The following GFRA1 variants were observed in gnomAD, a reference collection of about 807,000 sequenced individuals.
The protein encoded by GFRA1 is GDNF family receptor alpha 1.
Under a neutral mutation model 51.6 loss-of-function variants are expected in GFRA1, and 16 were observed. That is an observed-to-expected ratio of 0.31 (90% confidence interval 0.21 to 0.47). GFRA1 has a LOEUF of 0.47. Ranked by LOEUF, GFRA1 falls within the 20% of genes least tolerant of loss-of-function variation. The pLI is 1.00. For synonymous variants in GFRA1, 270 were observed against 241.3 expected, an observed-to-expected ratio of 1.12 and a Z score of -1.10; for missense variants, 530 against 594.3, an observed-to-expected ratio of 0.89 and a Z score of 1.13.
chr10:116,063,445 G>A lies in GFRA1; in HGVS notation c.*953C>T, dbSNP rs952904882. 6.6e-6 allele frequency: 1 copy of A among 152,136 alleles called. No individual in the cohort carries two copies. Among genetic ancestry groups the A allele is most frequent in the Non-Finnish European group, 1.5e-5 (1 of 68,026 alleles). 9.4% of individuals were successfully genotyped at this position (152,136 alleles called of 1,614,324 possible). ...ATATCAGAGCGAACACTACTTATGA[G>A]GGGAAAGAAGCTCTGTGTATTTTGT... On this transcript the variant is annotated 3_prime_UTR_variant, in exon 11 of 11. Coordinates refer to ENST00000355422, the MANE Select transcript of GFRA1 (RefSeq NM_005264.8).
rs909039959 is a variant in GFRA1, at chr10:116,193,311, CAG to C, written c.433+18318_433+18319del. The stretch of plus-strand genomic sequence containing the variant: ...TTAAAGTTTGGGGAGGGAAAAGAAA[CAG>C]AAAGCGTTTTTAAGACTTTGGGGTT... On this transcript the variant is annotated intron_variant, in intron 5 of 10. Transcript: ENST00000355422. Among the ~76,000 whole-genome samples the C allele has an allele frequency of 7.9e-5, 12 of 152,218 alleles. No individual in the cohort carries two copies. In the East Asian group the frequency reaches 2.1e-3, roughly 27 times the overall value.
intron 5 of GFRA1, among the ~76,000 whole-genome samples, chr10:116,149,711 T>G (rs7071432): frequency 1.3e-5 from 2 of 152,038 alleles, no homozygotes; most frequent in African/African-American, 2.4e-5. Context: ...CATGAAGGAA[T>G]TGATGTAGGA....
intron 5 of GFRA1, among the ~76,000 whole-genome samples, chr10:116,146,419 ATGATT>A (rs1958804378): frequency 6.6e-6 from 1 of 152,252 alleles, no homozygotes; most frequent in Non-Finnish European, 1.5e-5. Context: ...GACATGTTTA[ATGATT>A]TGATTTATTA....
chr10:116,221,802 T>A (rs542753161), intron 4 of GFRA1, among the ~76,000 whole-genome samples: 336 of 152,330 alleles, frequency 2.2e-3, no homozygotes, highest in African/African-American at 7.6e-3. Flanking sequence ...AACTTTTCTA[T>A]CTGTGGATTT....
intron 5 of GFRA1, among the ~76,000 whole-genome samples, chr10:116,177,012 T>G (rs889521629): frequency 3.3e-5 from 5 of 151,880 alleles, no homozygotes; most frequent in African/African-American, 7.3e-5. Context: ...CAATGGACAA[T>G]GGGAACAAAA....
At chr10:116,264,223 C>T (rs564248716) in intron 4 of GFRA1, among the ~76,000 whole-genome samples, 1 of 152,278 alleles carries the variant, frequency 6.6e-6, no homozygotes, top group South Asian at 2.1e-4. Flanking sequence ...CCAACACTGG[C>T]TCCCCCTACA....
At chr10:116,238,123 T>C (rs1374508525) in intron 4 of GFRA1, among the ~76,000 whole-genome samples, 3 of 152,130 alleles carry the variant, frequency 2.0e-5, no homozygotes, top group African/African-American at 7.2e-5. Flanking sequence ...CCAATAAATT[T>C]AACACCGGAA....
intron 9 of GFRA1, among the ~76,000 whole-genome samples, chr10:116,073,757 GATA>G (rs1257700695): frequency 6.6e-6 from 1 of 152,138 alleles, no homozygotes; most frequent in Non-Finnish European, 1.5e-5. Context: ...ATCACCATCA[GATA>G]ATATTTATTA....
At chr10:116,098,593 A>G (rs1358602012) in intron 6 of GFRA1, among the ~76,000 whole-genome samples, 1 of 152,180 alleles carries the variant, frequency 6.6e-6, no homozygotes, top group Non-Finnish European at 1.5e-5. Context: ...CCGGTTCTGC[A>G]CACAACCTGG....
intron 9 of GFRA1, among the ~76,000 whole-genome samples, chr10:116,074,471 A>C (rs1955531925): frequency 6.6e-6 from 1 of 152,186 alleles, no homozygotes. Context: ...TACAGAGCCC[A>C]AGGGTGTCCT....
At chr10:116,156,750 A>C (rs1959210282) in intron 5 of GFRA1, among the ~76,000 whole-genome samples, 1 of 152,202 alleles carries the variant, frequency 6.6e-6, no homozygotes, top group Non-Finnish European at 1.5e-5. Flanking sequence ...TCTGCATTTA[A>C]TCTCTGCTAT....
chr10:116,186,181 G>A (rs989069646), intron 5 of GFRA1, among the ~76,000 whole-genome samples: 5 of 152,170 alleles, frequency 3.3e-5, no homozygotes, highest in African/African-American at 1.2e-4. Flanking sequence ...CACCGGAGAT[G>A]GCACCAGGCT....
chr10:116,170,759 T>TGG (rs1960942513), intron 5 of GFRA1, among the ~76,000 whole-genome samples: 1 of 152,200 alleles, frequency 6.6e-6, no homozygotes, highest in Non-Finnish European at 1.5e-5. Flanking sequence ...GTAAACCTAT[T>TGG]GGTTCATAAA....
intron 9 of GFRA1, among the ~76,000 whole-genome samples, chr10:116,072,033 G>A (rs1430329953): frequency 2.0e-5 from 3 of 151,612 alleles, no homozygotes; most frequent in East Asian, 3.9e-4. Flanking sequence ...AATTGCACTC[G>A]GTCCTTTATA....
intron 5 of GFRA1, among the ~76,000 whole-genome samples, chr10:116,171,805 G>C (rs1961055398): frequency 6.6e-6 from 1 of 152,246 alleles, no homozygotes; most frequent in South Asian, 2.1e-4. Flanking sequence ...GGTCTCTGAG[G>C]TTCTGAAGGC....
At chr10:116,247,411 A>G (rs1967954810) in intron 4 of GFRA1, among the ~76,000 whole-genome samples, 1 of 152,192 alleles carries the variant, frequency 6.6e-6, no homozygotes, top group African/African-American at 2.4e-5. Flanking sequence ...AGATCATGAC[A>G]TTGTCTTCTT....
intron 6 of GFRA1, among the ~76,000 whole-genome samples, chr10:116,116,637 T>C: frequency 6.6e-6 from 1 of 152,212 alleles, no homozygotes; most frequent in East Asian, 1.9e-4. Flanking sequence ...GCTAATAATA[T>C]TAATAGTAAA....
intron 5 of GFRA1, among the ~76,000 whole-genome samples, chr10:116,187,042 G>A (rs958266239): frequency 5.3e-5 from 8 of 152,178 alleles, no homozygotes; most frequent in African/African-American, 9.7e-5. Context: ...AAGGAATAAC[G>A]TGAGGTTTTT....
At position 116,172,574 on chromosome 10, in the gene GFRA1, G is replaced by A. The variant is rs931381023; in HGVS notation, c.433+39057C>T. Among the ~76,000 whole-genome samples the A allele has an allele frequency of 2.6e-5, 4 of 152,278 alleles. No homozygotes were observed. In the South Asian group the frequency reaches 8.3e-4, roughly 32 times the overall value. On this transcript the variant is annotated intron_variant, in intron 5 of 10. Transcript: ENST00000355422. The stretch of plus-strand genomic sequence containing the variant: ...CTTCTTGAAGGAAGAATGGGTTGGG[G>A]GGCAGAGGGTTCAGAGAAGGAGGGC...
Sources: gnomAD v4.1 joint callset for allele counts (sites outside exome capture counted in the v4.1 genomes callset) on GRCh38, gnomAD v4.1.1 for gene constraint, MANE v1.5 for transcripts, NCBI Gene and HGNC (gene_info 2026-07-23, HGNC 2026-07-21) for gene names.